The following DNAJA1 variants were observed in gnomAD, a reference collection of about 807,000 sequenced individuals.
The protein encoded by DNAJA1 is DnaJ heat shock protein family (Hsp40) member A1, also known as dnaJ homolog subfamily A member 1.
A neutral mutation model predicts 47.6 loss-of-function variants in DNAJA1; 26 were observed. That is an observed-to-expected ratio of 0.55 (90% CI 0.40 to 0.76). The LOEUF (loss-of-function observed/expected upper bound fraction) is 0.76. Among genes scored for constraint, DNAJA1 ranks in the 30% least tolerant of loss-of-function variants. DNAJA1 has a pLI of 0.00. For missense variants in DNAJA1, 315 were observed against 485.0 expected (o/e 0.65, Z 3.29); for synonymous variants, 165 against 158.4 (o/e 1.04, Z -0.31).
chr9:33,032,665 G>A (rs754659355), intron 5 of DNAJA1, among the ~76,000 whole-genome samples: 39 of 152,188 alleles, frequency 2.6e-4, no homozygotes, highest in Non-Finnish European at 4.3e-4. Context: ...ACCTAGCTGA[G>A]TTTAATTGCT....
At chr9:33,027,073 T>C in intron 3 of DNAJA1, 83 bp downstream of exon 3, 1 of 1,522,046 alleles carries the variant, frequency 6.6e-7, no homozygotes, top group South Asian at 1.2e-5. Flanking sequence ...CCATTTTAAA[T>C]GCTTGTTTAC....
chr9:33,035,001 C>T (rs1564014243), intron 6 of DNAJA1, among the ~76,000 whole-genome samples: 1 of 148,638 alleles, frequency 6.7e-6, no homozygotes, highest in Admixed American at 6.7e-5. Flanking sequence ...ATGATCATGC[C>T]ACTGCATTCT....
At chr9:33,038,115 C>T (rs1839063906) in intron 8 of DNAJA1, among the ~76,000 whole-genome samples, 1 of 151,902 alleles carries the variant, frequency 6.6e-6, no homozygotes. Flanking sequence ...AGCAGTTCTC[C>T]TGCCTCAGCC....
intron 6 of DNAJA1, among the ~76,000 whole-genome samples, chr9:33,034,588 G>A (rs1257786125): frequency 1.3e-5 from 2 of 151,848 alleles, no homozygotes; most frequent in African/African-American, 2.4e-5. Flanking sequence ...GATGGGTGGG[G>A]AAAACATCCC....
In DNAJA1 at chr9:33,026,971, G is replaced by A; in HGVS notation, c.291G>A (p.Arg97=). 6.2e-7 allele frequency: 1 copy of A among 1,614,148 alleles called. No individual in the cohort carries two copies. Among genetic ancestry groups the A allele is most frequent in the Non-Finnish European group, 8.5e-7 (1 of 1,180,016 alleles). The change falls in exon 3 of 9, where the codon AGG becomes AGA. Residue 97 remains arginine, a synonymous_variant. Transcript: ENST00000330899. ...IFDMFFGGGG[R]MQRERRGKNV... is the part of the protein sequence containing the mutation. ...ATATGTTTTTTGGAGGAGGAGGAAG[G>A]ATGCAGAGAGAAAGGAGAGGTAAGA...
Position 33,038,909 on chromosome 9 carries a change from C to T in DNAJA1, c.*6C>T, listed in dbSNP as rs776768067. Reference sequence around the variant, plus strand: ...TTCAGTGTCAGACCTCTTAATGGGCCAGTGAATAACACTCACTGCTGGCAT... The same window carrying T: ...TTCAGTGTCAGACCTCTTAATGGGCTAGTGAATAACACTCACTGCTGGCAT... On this transcript the variant is annotated 3_prime_UTR_variant, in exon 9 of 9. Transcript: ENST00000330899. The T allele has an allele frequency of 2.6e-5, 41 of 1,605,532 alleles. No individual in the cohort carries two copies. The highest frequency in any genetic ancestry group is 3.5e-5 in the Non-Finnish European group (41 of 1,175,824).
At chr9:33,028,343 C>G (rs917390232) in intron 3 of DNAJA1, among the ~76,000 whole-genome samples, 2 of 152,084 alleles carry the variant, frequency 1.3e-5, no homozygotes, top group African/African-American at 4.8e-5. Context: ...AGAAATACTG[C>G]TTATAGGAGT....
chr9:33,029,678 A>G (rs1472264335), intron 3 of DNAJA1, among the ~76,000 whole-genome samples: 1 of 152,220 alleles, frequency 6.6e-6, no homozygotes, highest in Non-Finnish European at 1.5e-5. Context: ...TTAATCTCTG[A>G]CCTGATTTTC....
intron 8 of DNAJA1, 92 bp from the exon 9 acceptor site, chr9:33,038,593 T>A (rs1165336152): frequency 1.2e-5 from 14 of 1,175,552 alleles, no homozygotes; most frequent in Non-Finnish European, 1.7e-5. Flanking sequence ...ATATTACGTG[T>A]TTACATGTGT....
rs374236433 is a variant in DNAJA1, at chr9:33,030,687, T to C, written c.643+20T>C. On this transcript the variant is annotated intron_variant, in intron 5 of 8. Transcript: ENST00000330899. ...ACAAAGGTGAGTTCTGAGTTACTTA[T>C]TCTGAAGTCTTGAATGCTGTGGCAG... 1.9e-6 allele frequency: 3 copies of C among 1,582,392 alleles called. No individual in the cohort carries two copies. The highest frequency in any genetic ancestry group is 1.3e-5 in the African/African-American group (1 of 74,298).
At position 33,034,334 on chromosome 9, in the gene DNAJA1, A is replaced by AAAC; in HGVS notation, c.758+5_758+6insACA. On this transcript the variant is annotated splice_donor_region_variant and intron_variant, in intron 6 of 8. Coordinates refer to ENST00000330899, the MANE Select transcript of DNAJA1 (RefSeq NM_001539.4). ...AGGACCATGCTGTTTTTACTCGGTA[A>AAAC]AGACTTTTATCAACCACTCAAATTG... 5.6e-6 allele frequency: 9 copies of AAAC among 1,601,452 alleles called. No homozygotes were observed. The highest frequency in any genetic ancestry group is 7.7e-6 in the Non-Finnish European group (9 of 1,175,450).
At chr9:33,027,212 A>G (rs1012335024) in intron 3 of DNAJA1, among the ~76,000 whole-genome samples, 3 of 145,098 alleles carry the variant, frequency 2.1e-5, no homozygotes, top group Non-Finnish European at 3.0e-5. Context: ...CTGGAGAGCC[A>G]TGGCGTGGTC....
rs749800040 is a variant in DNAJA1, at chr9:33,027,010, T to A, written c.310+20T>A. ...GGAGAGGTAAGAAGAATCTAGTCTT[T>A]GTGCAGCTAACTAAAGTTAGCTGTT... On this transcript the variant is annotated intron_variant, in intron 3 of 8. Transcript: ENST00000330899. The A allele has an allele frequency of 1.3e-4, 216 of 1,613,530 alleles. No homozygotes were observed. The highest frequency in any genetic ancestry group is 1.7e-4 in the Non-Finnish European group (201 of 1,179,888).
intron 1 of DNAJA1, among the ~76,000 whole-genome samples, chr9:33,025,806 C>T (rs1398631375): frequency 6.6e-6 from 1 of 152,234 alleles, no homozygotes; most frequent in Non-Finnish European, 1.5e-5. Flanking sequence ...TTCGCTTTCT[C>T]TGTTTCCCCT....
chr9:33,031,884 CTATA>C (rs1308233283), intron 5 of DNAJA1, among the ~76,000 whole-genome samples: 3 of 152,238 alleles, frequency 2.0e-5, no homozygotes, highest in Non-Finnish European at 2.9e-5. Flanking sequence ...TTAGAAATAA[CTATA>C]TAACCTTTTT....
At position 33,036,694 on chromosome 9, in the gene DNAJA1, G is replaced by T; in HGVS notation, c.874+5G>T. The T allele has an allele frequency of 6.2e-7, 1 of 1,600,658 alleles. No individual in the cohort carries two copies. The highest frequency in any genetic ancestry group is 1.1e-5 in the South Asian group (1 of 90,196). Reference sequence around the variant, plus strand: ...TCGTCATCACCTCTCATCCAGGTATGGGAACTAGGCAAGCTTAAACTTCTC... The same window carrying T: ...TCGTCATCACCTCTCATCCAGGTATTGGAACTAGGCAAGCTTAAACTTCTC... On this transcript the variant is annotated splice_donor_5th_base_variant and intron_variant, in intron 7 of 8. Transcript: ENST00000330899.
chr9:33,029,798 T>G lies in DNAJA1; in HGVS notation c.311-87T>G. The G allele has an allele frequency of 2.8e-6, 3 of 1,072,812 alleles. No homozygotes were observed. The South Asian group carries it at 4.5e-5, about 16-fold the overall frequency. 66.5% of individuals were successfully genotyped at this position (1,072,812 alleles called of 1,614,324 possible). A position where few individuals can be genotyped will look rare whatever the true frequency, so the allele number is the denominator to read the frequency against. On this transcript the variant is annotated intron_variant, in intron 3 of 8. Coordinates refer to ENST00000330899, the MANE Select transcript of DNAJA1 (RefSeq NM_001539.4). ...ACCCTGTGAGGCTCATCTTTTATTA[T>G]TCTTTGCCACATTCTTTATAGTGCC...
intron 3 of DNAJA1, among the ~76,000 whole-genome samples, chr9:33,027,940 G>T (rs1838899199): frequency 6.7e-6 from 1 of 148,156 alleles, no homozygotes; most frequent in African/African-American, 2.5e-5. Flanking sequence ...CAGGAGAGTC[G>T]CTTGAACCCG....
intron 5 of DNAJA1, among the ~76,000 whole-genome samples, chr9:33,032,987 A>G (rs916975329): frequency 2.0e-5 from 3 of 152,194 alleles, no homozygotes; most frequent in Non-Finnish European, 4.4e-5. Flanking sequence ...AAGGTGAAAC[A>G]TGATTGCTCT....
Sources: allele counts gnomAD v4.1 joint callset (sites outside exome capture counted in the v4.1 genomes callset), GRCh38; gene constraint gnomAD v4.1.1; transcripts MANE v1.5; gene names NCBI Gene and HGNC (gene_info 2026-07-23, HGNC 2026-07-21).